CAMK2D: variants seen among roughly 807,000 people sequenced by gnomAD.
The protein encoded by CAMK2D is calcium/calmodulin dependent protein kinase II delta.
Under a neutral mutation model 84.0 loss-of-function variants are expected in CAMK2D, and 37 were observed. The ratio of observed to expected loss-of-function variants is 0.44; its 90% CI spans 0.34 to 0.58. CAMK2D has a LOEUF of 0.58. Ranked by LOEUF, CAMK2D falls within the 20% of genes least tolerant of loss-of-function variation. The pLI, the probability that CAMK2D is intolerant of heterozygous loss-of-function variation, is 0.02. For synonymous variants in CAMK2D, 202 were observed against 212.5 expected (o/e 0.95, Z 0.43); for missense variants, 448 against 652.5 (o/e 0.69, Z 3.41).
chr4:113,500,004 C>G (rs34950209), intron 16 of CAMK2D, among the ~76,000 whole-genome samples: 1 of 145,404 alleles, frequency 6.9e-6, no homozygotes, highest in African/African-American at 2.6e-5. Flanking sequence ...GATAAAAAGG[C>G]GGCCAAATAG....
At chr4:113,693,087 A>T (rs1028145523) in intron 2 of CAMK2D, among the ~76,000 whole-genome samples, 1 of 152,166 alleles carries the variant, frequency 6.6e-6, no homozygotes, top group Non-Finnish European at 1.5e-5. Context: ...GGTACTAGAA[A>T]CTGGTACTAA....
chr4:113,570,639 A>C (rs1270568354), intron 4 of CAMK2D, among the ~76,000 whole-genome samples: 1 of 152,230 alleles, frequency 6.6e-6, no homozygotes, highest in Non-Finnish European at 1.5e-5. Context: ...ACTACATATA[A>C]AAATCAACTC....
At chr4:113,476,427 G>A (rs2097620900) in intron 16 of CAMK2D, among the ~76,000 whole-genome samples, 1 of 151,950 alleles carries the variant, frequency 6.6e-6, no homozygotes, top group Non-Finnish European at 1.5e-5. Flanking sequence ...ACTTTATCTT[G>A]CTTTTAACCT....
At chr4:113,748,659 G>A (rs7689540) in intron 2 of CAMK2D, among the ~76,000 whole-genome samples, 100,428 of 151,838 alleles carry the variant, frequency 0.66, 34,364 homozygotes, top group African/African-American at 0.82. Flanking sequence ...ACATAGGGAA[G>A]TTTTATAATT....
chr4:113,606,104 T>C (rs72678758), intron 4 of CAMK2D, among the ~76,000 whole-genome samples: 19,404 of 151,802 alleles, frequency 0.13, 1,401 homozygotes, highest in East Asian at 0.2. Context: ...CAAAAGGGAA[T>C]CTTGGCAAAG....
rs2099640973 is a variant in CAMK2D, at chr4:113,761,321, C to T, written c.-253G>A. ...CTCCTGCGGGCCTCGCTTCCTTCTT[C>T]TCCACTGGACGCTCCACCCGCCCCT... is the stretch of plus-strand genomic sequence containing the variant. On this transcript the variant is annotated 5_prime_UTR_variant, in exon 1 of 21. Transcript: ENST00000511664. 7.1e-7 allele frequency: 1 copy of T among 1,406,624 alleles called. No individual in the cohort carries two copies. The highest frequency in any genetic ancestry group is 9.2e-7 in the Non-Finnish European group (1 of 1,081,872). 87.1% of individuals were successfully genotyped at this position (1,406,624 alleles called of 1,614,324 possible).
intron 2 of CAMK2D, among the ~76,000 whole-genome samples, chr4:113,733,420 A>T (rs570302784): frequency 6.6e-6 from 1 of 152,212 alleles, no homozygotes; most frequent in Non-Finnish European, 1.5e-5. Context: ...TGTCTAATTT[A>T]AAAAACTGTA....
At chr4:113,678,482 A>T (rs189216364) in intron 2 of CAMK2D, among the ~76,000 whole-genome samples, 33 of 151,626 alleles carry the variant, frequency 2.2e-4, no homozygotes, top group African/African-American at 7.7e-4. Flanking sequence ...TTAGTTTTTA[A>T]ATTTTAGTTG....
intron 2 of CAMK2D, among the ~76,000 whole-genome samples, chr4:113,695,563 G>A (rs1169141428): frequency 6.6e-6 from 1 of 151,970 alleles, no homozygotes; most frequent in Non-Finnish European, 1.5e-5. Context: ...TTATCTTTGA[G>A]GCAATTCATT....
intron 3 of CAMK2D, among the ~76,000 whole-genome samples, chr4:113,644,200 C>T (rs1297031675): frequency 6.6e-6 from 1 of 152,082 alleles, no homozygotes; most frequent in African/African-American, 2.4e-5. Flanking sequence ...AAAAAGACCT[C>T]AATAAAATCA....
At chr4:113,754,960 T>C in intron 2 of CAMK2D, 1 of 984,694 alleles carries the variant, frequency 1.0e-6, no homozygotes, top group Non-Finnish European at 1.2e-6. Flanking sequence ...TTTTAATTTG[T>C]CCAAATTGTT....
intron 17 of CAMK2D, among the ~76,000 whole-genome samples, chr4:113,463,769 T>C (rs994796356): frequency 4.9e-4 from 74 of 152,314 alleles, no homozygotes; most frequent in African/African-American, 1.7e-3. Context: ...TAAATATTTT[T>C]CCAGGTCGCT....
intron 8 of CAMK2D, among the ~76,000 whole-genome samples, chr4:113,530,832 C>T (rs1402322753): frequency 6.6e-6 from 1 of 152,172 alleles, no homozygotes; most frequent in African/African-American, 2.4e-5. Flanking sequence ...CACCTGTAAT[C>T]CCAGCACTTT....
intron 3 of CAMK2D, among the ~76,000 whole-genome samples, 183 bp from the exon 4 acceptor site, chr4:113,609,389 A>T (rs55872614): frequency 0.042 from 6,366 of 152,226 alleles, 459 homozygotes; most frequent in African/African-American, 0.14. Flanking sequence ...AGGTTTGGGT[A>T]CTGGTTCTGA....
chr4:113,503,015 T>C (rs1448238688), intron 14 of CAMK2D, 38 bp from the exon 15 acceptor site: 8 of 1,450,126 alleles, frequency 5.5e-6, no homozygotes, highest in African/African-American at 1.4e-5. Context: ...ACAGTTCGCA[T>C]TGGTAAGTAC....
chr4:113,581,529 A>AGAAAG lies in CAMK2D; in HGVS notation c.275+27622_275+27623insCTTTC, dbSNP rs1553973875. ...ACTTTCTCATAAAAAAAAAAAAAAAAAAAAGAAAAGAAAAGAAAAGAAAAA... is the reference window on the plus strand; with the variant it reads ...ACTTTCTCATAAAAAAAAAAAAAAAAGAAAGAAAAGAAAAGAAAAGAAAAGAAAAA... On this transcript the variant is annotated intron_variant, in intron 4 of 20. Transcript: ENST00000511664. Among the ~76,000 whole-genome samples the AGAAAG allele has an allele frequency of 1.2e-4, 15 of 121,890 alleles. No individual in the cohort carries two copies. In the East Asian group the frequency reaches 2.8e-3, roughly 23 times the overall value. The allele number at this position is 121,890 out of a possible 152,430, so 80.0% of individuals were successfully genotyped here. A position where few individuals can be genotyped will look rare whatever the true frequency, so the allele number is the denominator to read the frequency against.
At chr4:113,607,262 A>C (rs2098981784) in intron 4 of CAMK2D, among the ~76,000 whole-genome samples, 1 of 152,226 alleles carries the variant, frequency 6.6e-6, no homozygotes, top group Non-Finnish European at 1.5e-5. Flanking sequence ...ACATAGAGCC[A>C]GATGAAACTA....
At chr4:113,716,666 AAAAAGACATACACACAAG>A (rs2099514588) in intron 2 of CAMK2D, among the ~76,000 whole-genome samples, 1 of 151,386 alleles carries the variant, frequency 6.6e-6, no homozygotes. Flanking sequence ...AAAAAAAAAA[AAAAAGACATACACACAAG>A]CCTGTAGAAC....
At chr4:113,487,784 C>T (rs553595144) in intron 16 of CAMK2D, among the ~76,000 whole-genome samples, 7 of 152,030 alleles carry the variant, frequency 4.6e-5, no homozygotes, top group Non-Finnish European at 8.8e-5. Flanking sequence ...AAATGTCTTT[C>T]TGTGACTGCT....
Sources: gnomAD v4.1 joint callset for allele counts (sites outside exome capture counted in the v4.1 genomes callset) on GRCh38, gnomAD v4.1.1 for gene constraint, MANE v1.5 for transcripts, NCBI Gene and HGNC (gene_info 2026-07-23, HGNC 2026-07-21) for gene names.